The following YTHDF2 variants were observed in gnomAD, a reference collection of about 807,000 sequenced individuals.
YTHDF2 encodes the protein YTH N6-methyladenosine RNA binding protein F2, also known as YTH domain-containing family protein 2.
A neutral mutation model predicts 50.4 loss-of-function variants in YTHDF2; 2 were observed. That is an observed-to-expected ratio of 0.04 (90% CI 0.02 to 0.12). The LOEUF is 0.12. Ranked by LOEUF, YTHDF2 falls within the 10% of genes least tolerant of loss-of-function variation. The pLI, the probability that YTHDF2 is intolerant of heterozygous loss-of-function variation, is 1.00. For missense variants in YTHDF2, 483 were observed against 722.6 expected (o/e 0.67, Z 3.80); for synonymous variants, 217 against 255.6 (o/e 0.85, Z 1.44).
chr1:28,737,925 A>C (rs1379522457), intron 2 of YTHDF2: 1 of 588,084 alleles, frequency 1.7e-6, no homozygotes, highest in East Asian at 2.9e-5. Context: ...CCAGGTCCTT[A>C]GTTTCCTGTA....
At chr1:28,766,223 C>T (rs891960185) in intron 4 of YTHDF2, among the ~76,000 whole-genome samples, 4 of 152,070 alleles carry the variant, frequency 2.6e-5, no homozygotes, top group African/African-American at 9.7e-5. Context: ...TCCCAGGTTG[C>T]TGGGACTACA....
intron 4 of YTHDF2, among the ~76,000 whole-genome samples, chr1:28,748,281 C>T (rs2087895157): frequency 6.6e-6 from 1 of 152,146 alleles, no homozygotes; most frequent in South Asian, 2.1e-4. Context: ...GTAAACTGTT[C>T]TTACAATCTT....
chr1:28,748,606 C>T (rs2087900832), intron 4 of YTHDF2, among the ~76,000 whole-genome samples: 1 of 152,178 alleles, frequency 6.6e-6, no homozygotes, highest in African/African-American at 2.4e-5. Flanking sequence ...TAACATAGAA[C>T]CTTCAAGCAT....
intron 4 of YTHDF2, among the ~76,000 whole-genome samples, chr1:28,757,799 C>T (rs138153209): frequency 1.3e-5 from 2 of 152,184 alleles, no homozygotes; most frequent in African/African-American, 4.8e-5. Flanking sequence ...TTTTTCTTTT[C>T]TTTACCTATG....
At position 28,743,578 on chromosome 1, in the gene YTHDF2, G is replaced by C. The variant is rs1307913468; in HGVS notation, c.1308G>C (p.Glu436Asp). 3 of 1,614,064 alleles carry C rather than the reference G, an allele frequency of 1.9e-6. No homozygotes were observed. In the African/African-American group the frequency reaches 4.0e-5, roughly 22 times the overall value. ...SIKYNIWCST[E>D]HGNKRLDAAY... ...AGTATAATATTTGGTGCAGCACAGA[G>C]CATGGTAACAAGAGACTGGATGCTG... Residue 436 changes from glutamate (E) to aspartate (D), a missense_variant, in exon 4 of 5, where the codon GAG (glutamate) becomes GAC (aspartate). This residue lies in a region of YTHDF2 where 59 missense variants were observed against 168.9 expected (regional missense o/e 0.35). Transcript: ENST00000373812. This position sits in a 1 kb window ranked among gnomAD's most constrained non-coding sequence, Gnocchi z 6.9.
Position 28,755,267 on chromosome 1 carries a change from T to C in YTHDF2, c.1716+11281T>C, listed in dbSNP as rs532207383. On this transcript the variant is annotated intron_variant, in intron 4 of 4. Coordinates refer to ENST00000373812, the MANE Select transcript of YTHDF2 (RefSeq NM_016258.3). The stretch of plus-strand genomic sequence containing the variant: ...GGCAGCTGGGAATCTGGAGCTCAGA[T>C]TGTTGACAGGAATTTGAATTTTCAA... 5.9e-5 allele frequency among the ~76,000 whole-genome samples: 9 copies of C among 152,238 alleles called. 1 individual carries two copies. The East Asian group carries it at 1.5e-3, about 26-fold the overall frequency.
intron 4 of YTHDF2, among the ~76,000 whole-genome samples, chr1:28,747,587 C>G (rs12037449): frequency 7.4e-6 from 1 of 135,768 alleles, no homozygotes; most frequent in African/African-American, 2.7e-5. Context: ...GAATCTCACT[C>G]TGTCGCCCAG....
intron 2 of YTHDF2, chr1:28,737,963 C>T (rs1302306484): frequency 8.7e-6 from 5 of 572,848 alleles, no homozygotes; most frequent in East Asian, 5.8e-5. Context: ...GTTTTTCATC[C>T]TCGTGGATCA....
chr1:28,751,111 G>A lies in YTHDF2; in HGVS notation c.1716+7125G>A, dbSNP rs866134062. On this transcript the variant is annotated intron_variant, in intron 4 of 4. Transcript: ENST00000373812. Reference sequence around the variant, plus strand: ...GTCTCAAAAAAAAAAAAAAAAAAAAGGCTGGGCGTGGTGGTGCACGCTAGT... The same window carrying A: ...GTCTCAAAAAAAAAAAAAAAAAAAAAGCTGGGCGTGGTGGTGCACGCTAGT... 9.6e-3 allele frequency among the ~76,000 whole-genome samples: 361 copies of A among 37,418 alleles called. 11 individuals are homozygous for A. The highest frequency in any genetic ancestry group is 0.059 in the African/African-American group (316 of 5,334). 24.5% of individuals were successfully genotyped at this position (37,418 alleles called of 152,430 possible). A position where few individuals can be genotyped will look rare whatever the true frequency, so the allele number is the denominator to read the frequency against.
chr1:28,767,240 G>A (rs1243419548), intron 4 of YTHDF2, among the ~76,000 whole-genome samples: 1 of 152,032 alleles, frequency 6.6e-6, no homozygotes, highest in Non-Finnish European at 1.5e-5. Flanking sequence ...TTATAAAGAG[G>A]AACAAATTTG....
intron 4 of YTHDF2, among the ~76,000 whole-genome samples, chr1:28,744,722 G>C (rs1409303725): frequency 6.6e-6 from 1 of 151,982 alleles, no homozygotes; most frequent in Non-Finnish European, 1.5e-5. Flanking sequence ...AGGCTGGAGT[G>C]CAGTGGCATG....
chr1:28,745,960 G>T (rs1249218274), intron 4 of YTHDF2, among the ~76,000 whole-genome samples: 1 of 152,108 alleles, frequency 6.6e-6, no homozygotes, highest in Non-Finnish European at 1.5e-5. Flanking sequence ...GATCCCTTGA[G>T]TCCAGGAGTT....
At chr1:28,754,278 A>G (rs566638528) in intron 4 of YTHDF2, among the ~76,000 whole-genome samples, 2 of 152,334 alleles carry the variant, frequency 1.3e-5, no homozygotes, top group East Asian at 1.9e-4. Context: ...CTCTAATTCC[A>G]GCACTTTGGG....
intron 4 of YTHDF2, among the ~76,000 whole-genome samples, chr1:28,765,883 A>T (rs537311254): frequency 6.6e-6 from 1 of 152,158 alleles, no homozygotes; most frequent in Non-Finnish European, 1.5e-5. Flanking sequence ...CTTTTCTCCT[A>T]GGTATTTTAG....
intron 4 of YTHDF2, among the ~76,000 whole-genome samples, chr1:28,766,836 C>CT (rs796715052): frequency 0.014 from 1,992 of 141,218 alleles, 19 homozygotes; most frequent in African/African-American, 0.038. Flanking sequence ...TTTTCCTTCT[C>CT]TTTTTTTTTT....
At chr1:28,761,257 T>TA (rs2088125729) in intron 4 of YTHDF2, among the ~76,000 whole-genome samples, 1 of 151,530 alleles carries the variant, frequency 6.6e-6, no homozygotes. Context: ...CTTGCAGCCT[T>TA]CTAAGTAGCT....
At chr1:28,736,857 T>G, upstream of YTHDF2, 2 of 279,586 alleles carry the variant, frequency 7.2e-6, no homozygotes, top group Non-Finnish European at 6.9e-6. Context: ...GCCGCCCGCC[T>G]CCGCTGTTCG....
chr1:28,738,666 ACTC>A (rs1478515982), intron 3 of YTHDF2, among the ~76,000 whole-genome samples: 2 of 150,078 alleles, frequency 1.3e-5, no homozygotes, highest in Non-Finnish European at 1.5e-5. Context: ...CTGGTCTTGA[ACTC>A]CTCAGGTGAT....
intron 3 of YTHDF2, among the ~76,000 whole-genome samples, chr1:28,741,215 C>T (rs1409569122): frequency 2.0e-5 from 3 of 151,854 alleles, no homozygotes; most frequent in Non-Finnish European, 4.4e-5. Context: ...CCGGGCTGGT[C>T]TCCAACTCCT....
Sources: allele counts gnomAD v4.1 joint callset (sites outside exome capture counted in the v4.1 genomes callset), GRCh38; gene constraint gnomAD v4.1.1; regional missense constraint gnomAD v4.1.1; non-coding constraint Gnocchi (gnomAD v3.1); transcripts MANE v1.5; gene names NCBI Gene and HGNC (gene_info 2026-07-23, HGNC 2026-07-21).